The following GRIA1 variants were observed in gnomAD, a reference collection of about 807,000 sequenced individuals.
GRIA1 encodes glutamate ionotropic receptor AMPA type subunit 1, also known as glutamate receptor 1.
A neutral mutation model predicts 99.2 loss-of-function variants in GRIA1; 31 were observed. The ratio of observed to expected loss-of-function variants is 0.31; its 90% confidence interval spans 0.23 to 0.42. The LOEUF (loss-of-function observed/expected upper bound fraction) is 0.42. GRIA1 is among the 10% of genes least tolerant of loss of function. The pLI, the probability that GRIA1 is intolerant of heterozygous loss-of-function variation, is 1.00. For missense variants in GRIA1, 782 were observed against 1,157.5 expected (o/e 0.68, Z 4.71); for synonymous variants, 438 against 432.4 (o/e 1.01, Z -0.16).
At chr5:153,759,297 A>G (rs1763026206) in intron 11 of GRIA1, among the ~76,000 whole-genome samples, 1 of 151,792 alleles carries the variant, frequency 6.6e-6, no homozygotes, top group African/African-American at 2.4e-5. Flanking sequence ...TTAGAAAGAT[A>G]AAACTGACGA....
At chr5:153,704,969 A>G (rs1019569036) in intron 10 of GRIA1, among the ~76,000 whole-genome samples, 1 of 152,194 alleles carries the variant, frequency 6.6e-6, no homozygotes, top group Non-Finnish European at 1.5e-5. Flanking sequence ...GTGTTCAATA[A>G]ATATCTATTG....
chr5:153,802,342 C>G lies in GRIA1; in HGVS notation c.2386-14C>G. The G allele has an allele frequency of 1.2e-6, 2 of 1,613,460 alleles. No individual in the cohort carries two copies. The highest frequency in any genetic ancestry group is 1.7e-6 in the Non-Finnish European group (2 of 1,179,554). On this transcript the variant is annotated splice_polypyrimidine_tract_variant and intron_variant, in intron 14 of 15. Coordinates refer to ENST00000285900, the MANE Select transcript of GRIA1 (RefSeq NM_000827.4). ...TCTTCCCCCTCCCCTTCCTTTCCCT[C>G]CTCCTCTTCTTAGGACAAGACAAGC... is the stretch of plus-strand genomic sequence containing the variant.
chr5:153,516,268 TATG>T (rs1482611557), intron 2 of GRIA1, among the ~76,000 whole-genome samples: 1 of 151,662 alleles, frequency 6.6e-6, no homozygotes, highest in East Asian at 1.9e-4. Flanking sequence ...CAGGCATAAA[TATG>T]ATAACTATTT....
chr5:153,785,400 T>C (rs546605674), intron 13 of GRIA1, among the ~76,000 whole-genome samples: 3 of 152,138 alleles, frequency 2.0e-5, no homozygotes, highest in African/African-American at 7.2e-5. Context: ...ACTGCAGATA[T>C]CATGTATCAG....
At chr5:153,674,376 C>A in intron 5 of GRIA1, 124 bp from the exon 6 acceptor site, 1 of 1,031,948 alleles carries the variant, frequency 9.7e-7, no homozygotes, top group East Asian at 2.4e-5. Context: ...GGAGGCCTAA[C>A]TGTCTCTCCA....
intron 7 of GRIA1, among the ~76,000 whole-genome samples, chr5:153,679,957 A>T (rs544593338): frequency 1.3e-5 from 2 of 152,330 alleles, no homozygotes; most frequent in East Asian, 3.9e-4. Flanking sequence ...ATATTATATC[A>T]TTGGATCTTT....
chr5:153,788,807 G>T (rs1385137544), intron 13 of GRIA1, among the ~76,000 whole-genome samples: 1 of 152,164 alleles, frequency 6.6e-6, no homozygotes, highest in Non-Finnish European at 1.5e-5. Context: ...ATTAAAGAGG[G>T]TTTATGGCAA....
intron 8 of GRIA1, among the ~76,000 whole-genome samples, chr5:153,688,996 A>T (rs933423039): frequency 1.3e-5 from 2 of 152,260 alleles, no homozygotes; most frequent in Non-Finnish European, 2.9e-5. Context: ...CTGAGATTAC[A>T]GGTATGAGCC....
Position 153,813,029 on chromosome 5 carries a change from C to T in GRIA1, c.*1804C>T, listed in dbSNP as rs927366399. ...TTATTGGCTTTTCTGTGGATTCTCT[C>T]AGTGGACCCACACCATCTCTATGTC... On this transcript the variant is annotated 3_prime_UTR_variant, in exon 16 of 16. Coordinates refer to ENST00000285900, the MANE Select transcript of GRIA1 (RefSeq NM_000827.4). 1 of 152,218 alleles carries T rather than the reference C, an allele frequency of 6.6e-6. No individual in the cohort carries two copies. Among genetic ancestry groups the T allele is most frequent in the Non-Finnish European group, 1.5e-5 (1 of 68,050 alleles). The allele number at this position is 152,218 out of a possible 1,614,324, so 9.4% of individuals were successfully genotyped here. A position where few individuals can be genotyped will look rare whatever the true frequency, so the allele number is the denominator to read the frequency against.
intron 7 of GRIA1, among the ~76,000 whole-genome samples, chr5:153,682,673 C>A (rs746742211): frequency 6.6e-6 from 1 of 152,228 alleles, no homozygotes; most frequent in South Asian, 2.1e-4. Flanking sequence ...CCACTGACCC[C>A]CACCCTGCTC....
chr5:153,551,203 C>T (rs958212457), intron 2 of GRIA1, among the ~76,000 whole-genome samples: 3 of 152,134 alleles, frequency 2.0e-5, no homozygotes, highest in Admixed American at 6.6e-5. Context: ...TACACCAAAT[C>T]GGCCTTGCTC....
chr5:153,559,945 C>T (rs1760977954), intron 2 of GRIA1, among the ~76,000 whole-genome samples: 1 of 152,162 alleles, frequency 6.6e-6, no homozygotes, highest in Admixed American at 6.5e-5. Flanking sequence ...ACCCTATTGC[C>T]TCCTTCCATT....
intron 2 of GRIA1, among the ~76,000 whole-genome samples, chr5:153,562,448 A>G (rs1000361715): frequency 6.6e-6 from 1 of 152,140 alleles, no homozygotes; most frequent in East Asian, 1.9e-4. Context: ...CCTTTATGGA[A>G]TGCTCAAGAC....
chr5:153,698,723 G>C, intron 9 of GRIA1, 144 bp from the exon 10 acceptor site: 3 of 631,620 alleles, frequency 4.7e-6, no homozygotes, highest in Non-Finnish European at 8.6e-6. Flanking sequence ...GGGGTAGGGA[G>C]TGAAGACATT....
chr5:153,589,051 G>A (rs1418084841), intron 2 of GRIA1, among the ~76,000 whole-genome samples: 2 of 152,048 alleles, frequency 1.3e-5, no homozygotes, highest in East Asian at 1.9e-4. Flanking sequence ...AAAGAGAAAC[G>A]AATCAAAATA....
intron 2 of GRIA1, among the ~76,000 whole-genome samples, chr5:153,603,077 C>A (rs1409833600): frequency 6.6e-6 from 1 of 151,290 alleles, no homozygotes; most frequent in African/African-American, 2.4e-5. Flanking sequence ...CCCCTGTCCC[C>A]CCACCCCACA....
intron 2 of GRIA1, among the ~76,000 whole-genome samples, chr5:153,503,333 CT>C (rs765494390): frequency 9.2e-5 from 14 of 152,122 alleles, no homozygotes; most frequent in Non-Finnish European, 1.8e-4. Context: ...CCTTGAAAAG[CT>C]TTTATATCCA....
Position 153,663,397 on chromosome 5 carries a change from G to A in GRIA1, c.699+7525G>A, listed in dbSNP as rs376047381. The stretch of plus-strand genomic sequence containing the variant: ...AATTCTTAGGACTGGTATTATAATT[G>A]AGCAAAGCCAAGAAATAAACTCCTT... On this transcript the variant is annotated intron_variant, in intron 5 of 15. Coordinates refer to ENST00000285900, the MANE Select transcript of GRIA1 (RefSeq NM_000827.4). 1.1e-4 allele frequency among the ~76,000 whole-genome samples: 16 copies of A among 152,268 alleles called. No individual in the cohort carries two copies. In the East Asian group the frequency reaches 1.9e-3, roughly 18 times the overall value.
intron 5 of GRIA1, among the ~76,000 whole-genome samples, chr5:153,667,892 T>G (rs977413461): frequency 4.6e-5 from 7 of 152,236 alleles, no homozygotes; most frequent in African/African-American, 1.7e-4. Context: ...GCCTTTTCAT[T>G]CTAATCCTTT....
Sources: allele counts gnomAD v4.1 joint callset (sites outside exome capture counted in the v4.1 genomes callset), GRCh38; gene constraint gnomAD v4.1.1; transcripts MANE v1.5; gene names NCBI Gene and HGNC (gene_info 2026-07-23, HGNC 2026-07-21).